Variants in TBX1 observed in about 807,000 individuals in gnomAD.
TBX1 encodes T-box transcription factor TBX1.
TBX1 carries 16 observed loss-of-function variants against 40.8 expected under a neutral mutation model. That is an observed-to-expected ratio of 0.39 (90% CI 0.27 to 0.60). The LOEUF (loss-of-function observed/expected upper bound fraction) is 0.60. Ranked by LOEUF, TBX1 falls within the 20% of genes least tolerant of loss-of-function variation. The probability of loss-of-function intolerance (pLI) is 0.51; values close to 1 mark genes in which losing one functional copy is unlikely to be tolerated. For missense variants in TBX1, 755 were observed against 728.5 expected, an observed-to-expected ratio of 1.04 and a Z score of -0.42; for synonymous variants, 403 against 336.8, an observed-to-expected ratio of 1.20 and a Z score of -2.15.
At chr22:19,767,613 G>A (rs1469110012), downstream of TBX1, among the ~76,000 whole-genome samples, 1 of 152,166 alleles carries the variant, frequency 6.6e-6, no homozygotes, top group Admixed American at 6.5e-5. Context: ...AACCTCCCCA[G>A]GGCTGGTGGT....
intron 1 of TBX1, among the ~76,000 whole-genome samples, chr22:19,761,527 G>A (rs1936663313): frequency 6.6e-6 from 1 of 151,688 alleles, no homozygotes; most frequent in African/African-American, 2.4e-5. Context: ...CGGGCCGCAC[G>A]GGAACGGCGA....
chr22:19,781,486 C>T (rs934155190), downstream of TBX1, among the ~76,000 whole-genome samples: 3 of 152,150 alleles, frequency 2.0e-5, no homozygotes, highest in Non-Finnish European at 2.9e-5. Flanking sequence ...TTCTCTCAGT[C>T]TGTGGGCTGC....
chr22:19,759,441 T>G, upstream of TBX1: 1 of 1,387,534 alleles, frequency 7.2e-7, no homozygotes, highest in African/African-American at 1.5e-5. Flanking sequence ...CTGGGCGCGG[T>G]GCGGCTGGGC....
chr22:19,756,882 C>G (rs1305527344), upstream of TBX1: 1 of 99,084 alleles, frequency 1.0e-5, no homozygotes, highest in Non-Finnish European at 2.0e-5. Flanking sequence ...GGTGGGGTGG[C>G]GGCAGGTGAA....
chr22:19,762,620 T>C (rs777297212), intron 1 of TBX1, among the ~76,000 whole-genome samples: 12 of 151,998 alleles, frequency 7.9e-5, no homozygotes, highest in Non-Finnish European at 1.5e-4. Flanking sequence ...TGGGGTTATG[T>C]GTCTTAAGGG....
At chr22:19,779,580 A>G, downstream of TBX1, 1 of 1,434,968 alleles carries the variant, frequency 7.0e-7, no homozygotes, top group Non-Finnish European at 9.2e-7. Context: ...CCAGTTGATA[A>G]ATCAAAACTT....
upstream of TBX1, chr22:19,759,604 C>G (rs1936574354): frequency 1.9e-6 from 3 of 1,609,660 alleles, no homozygotes; most frequent in Non-Finnish European, 2.5e-6. Flanking sequence ...GGTCCTCCGA[C>G]CGGGTGAAGC....
downstream of TBX1, among the ~76,000 whole-genome samples, chr22:19,769,535 G>A (rs773750316): frequency 5.3e-5 from 8 of 152,220 alleles, no homozygotes; most frequent in Non-Finnish European, 8.8e-5. Context: ...ACTGGCGCAC[G>A]CCGCTGCTCA....
At chr22:19,761,627 G>A (rs1049638207) in intron 1 of TBX1, among the ~76,000 whole-genome samples, 11 of 152,246 alleles carry the variant, frequency 7.2e-5, no homozygotes, top group African/African-American at 2.6e-4. Flanking sequence ...ACCCGGCTGG[G>A]GGCAGGCAGC....
rs1021228154 is a variant in TBX1 at position 19,767,233 on chromosome 22, C to G, written c.*366C>G. The G allele has an allele frequency of 9.4e-7, 1 of 1,065,104 alleles. No individual in the cohort carries two copies. The highest frequency in any genetic ancestry group is 1.7e-5 in the African/African-American group (1 of 59,412). 66.0% of individuals were successfully genotyped at this position (1,065,104 alleles called of 1,614,324 possible). ...GCCGGCAGTTGCAGTGTAGACAGCC[C>G]GAGAGCCCCGCCTGCAGGCGGTGTA... On this transcript the variant is annotated 3_prime_UTR_variant, in exon 7 of 7. Coordinates refer to ENST00000649276, the MANE Select transcript of TBX1 (RefSeq NM_001379200.1).
chr22:19,776,072 C>T (rs41297812), intron 8 of TBX1, among the ~76,000 whole-genome samples: 2,038 of 152,250 alleles, frequency 0.013, 27 homozygotes, highest in South Asian at 0.046. Context: ...CACGTGGGCA[C>T]AGGTGGGAGG....
chr22:19,767,336 C>T, downstream of TBX1: 1 of 988,510 alleles, frequency 1.0e-6, no homozygotes, highest in Non-Finnish European at 1.2e-6. Context: ...CTTTTGGAAG[C>T]CGCCTGCGTG....
chr22:19,763,402 C>G lies in TBX1; in HGVS notation c.539+60C>G, dbSNP rs927971682. 9 of 1,535,046 alleles carry G rather than the reference C, an allele frequency of 5.9e-6. No individual in the cohort carries two copies. In the African/African-American group the frequency reaches 1.2e-4, roughly 21 times the overall value. ...GGGCACCCTGGAAAGTGGCGGGTCTCCGCCTGGTGACCCAACTCCAAGGGT... is the reference window on the plus strand; with the variant it reads ...GGGCACCCTGGAAAGTGGCGGGTCTGCGCCTGGTGACCCAACTCCAAGGGT... On this transcript the variant is annotated intron_variant, in intron 2 of 6. Transcript: ENST00000649276.
Position 19,764,157 on chromosome 22 carries a change from A to ACGCCTTCCACAGCTC in TBX1, c.544_558dup (p.Ala182_Ser186dup). On this transcript the variant is annotated inframe_insertion, in exon 3 of 7. Coordinates refer to ENST00000649276, the MANE Select transcript of TBX1 (RefSeq NM_001379200.1). ...GACCCCACCCCGTGCCGCTCCAGGT[A>ACGCCTTCCACAGCTC]CGCCTTCCACAGCTCCTCCTGGCTG... 6.2e-7 allele frequency: 1 copy of ACGCCTTCCACAGCTC among 1,612,758 alleles called. No homozygotes were observed. The highest frequency in any genetic ancestry group is 8.5e-7 in the Non-Finnish European group (1 of 1,179,846).
chr22:19,767,168 T>G lies in TBX1; in HGVS notation c.*301T>G. ...CCCGGTCGGAGGCGGAAGGAAGTGA[T>G]ATTTATTGTTCTCCCCGAGACCGCG... On this transcript the variant is annotated 3_prime_UTR_variant, in exon 7 of 7. Coordinates refer to ENST00000649276, the MANE Select transcript of TBX1 (RefSeq NM_001379200.1). 8.6e-7 allele frequency: 1 copy of G among 1,163,744 alleles called. No homozygotes were observed. 72.1% of individuals were successfully genotyped at this position (1,163,744 alleles called of 1,614,324 possible).
intron 8 of TBX1, among the ~76,000 whole-genome samples, chr22:19,775,220 A>G (rs1298632507): frequency 1.3e-5 from 2 of 152,006 alleles, no homozygotes; most frequent in Non-Finnish European, 2.9e-5. Flanking sequence ...CAGCCTCCCA[A>G]GTAGCTGGGA....
At chr22:19,770,320 A>G (rs1239131898), downstream of TBX1, among the ~76,000 whole-genome samples, 1 of 152,198 alleles carries the variant, frequency 6.6e-6, no homozygotes, top group East Asian at 1.9e-4. Flanking sequence ...ACACCACTGC[A>G]TCCCACGGAA....
downstream of TBX1, among the ~76,000 whole-genome samples, chr22:19,771,839 A>T (rs1180542159): frequency 6.6e-6 from 1 of 152,232 alleles, no homozygotes; most frequent in East Asian, 1.9e-4. Flanking sequence ...GTGCAGTGGC[A>T]GTTGCCAGGG....
downstream of TBX1, among the ~76,000 whole-genome samples, chr22:19,771,225 C>T (rs1936985255): frequency 1.3e-5 from 2 of 152,252 alleles, no homozygotes; most frequent in African/African-American, 2.4e-5. Flanking sequence ...CACGGCCCCC[C>T]AGCCTGGCAT....
Sources: allele counts gnomAD v4.1 joint callset (sites outside exome capture counted in the v4.1 genomes callset), GRCh38; gene constraint gnomAD v4.1.1; transcripts MANE v1.5; gene names NCBI Gene and HGNC (gene_info 2026-07-23, HGNC 2026-07-21).